PIGN: variants seen among roughly 807,000 people sequenced by gnomAD.
The protein encoded by PIGN is GPI ethanolamine phosphate transferase 1.
PIGN carries 117 observed loss-of-function variants against 125.4 expected under a neutral mutation model. The observed-to-expected ratio is 0.93, with a 90% CI of 0.80 to 1.09. The LOEUF (loss-of-function observed/expected upper bound fraction) is 1.09, where lower values mean the gene tolerates loss of function less well. PIGN is among the 50% of genes least tolerant of loss of function. The pLI is 0.00. For synonymous variants in PIGN, 392 were observed against 377.8 expected (o/e 1.04, Z -0.44); for missense variants, 1,075 against 1,094.9 (o/e 0.98, Z 0.26).
At chr18:62,157,576 G>T in intron 5 of PIGN, 111 bp downstream of exon 5, 1 of 1,060,262 alleles carries the variant, frequency 9.4e-7, no homozygotes, top group Non-Finnish European at 1.4e-6. Flanking sequence ...TAAAACATTT[G>T]TCCAAAATAT....
chr18:62,168,110 G>A (rs1273457531), intron 1 of PIGN, among the ~76,000 whole-genome samples: 2 of 151,872 alleles, frequency 1.3e-5, no homozygotes, highest in Admixed American at 6.6e-5. Context: ...CTTGAACCCC[G>A]GAGGCAGAGG....
chr18:62,028,004 A>C (rs2030146868), intron 23 of PIGN, among the ~76,000 whole-genome samples: 1 of 152,250 alleles, frequency 6.6e-6, no homozygotes, highest in Non-Finnish European at 1.5e-5. Context: ...CCTTTTCCCT[A>C]TCAGCATACA....
chr18:62,108,910 A>C (rs1364518024), intron 17 of PIGN, among the ~76,000 whole-genome samples: 9 of 152,206 alleles, frequency 5.9e-5, no homozygotes, highest in Non-Finnish European at 8.8e-5. Flanking sequence ...TTTTTAATAC[A>C]TCATGTTTTA....
At chr18:62,116,826 T>C (rs2035103860) in intron 14 of PIGN, among the ~76,000 whole-genome samples, 1 of 152,104 alleles carries the variant, frequency 6.6e-6, no homozygotes, top group African/African-American at 2.4e-5. Flanking sequence ...TACGTTGCCA[T>C]TTGTAATGTA....
chr18:62,088,707 A>G lies in PIGN; in HGVS notation c.2370+49T>C, dbSNP rs754468509. ...AACACCTTCCATGTCTTCTTACTCC[A>G]TTAAGTGGGAGTTGCAGCTCTTTAA... On this transcript the variant is annotated intron_variant, in intron 25 of 30. Transcript: ENST00000640252. 5.1e-6 allele frequency: 5 copies of G among 974,924 alleles called. No homozygotes were observed. The South Asian group carries it at 7.0e-5, about 14-fold the overall frequency. 60.4% of individuals were successfully genotyped at this position (974,924 alleles called of 1,614,324 possible).
At chr18:62,137,401 T>C in intron 14 of PIGN, 1 of 311,538 alleles carries the variant, frequency 3.2e-6, no homozygotes, top group Non-Finnish European at 5.8e-6. Flanking sequence ...CTTGTGATTA[T>C]GTGAGTCAAT....
At chr18:62,122,835 C>T (rs1407496544) in intron 14 of PIGN, among the ~76,000 whole-genome samples, 1 of 151,964 alleles carries the variant, frequency 6.6e-6, no homozygotes, top group Non-Finnish European at 1.5e-5. Context: ...CCTCTTTTTC[C>T]AAAATAATAC....
At chr18:62,078,670 T>G (rs2033297162) in intron 28 of PIGN, among the ~76,000 whole-genome samples, 1 of 152,246 alleles carries the variant, frequency 6.6e-6, no homozygotes, top group Non-Finnish European at 1.5e-5. Flanking sequence ...CTAAATACAA[T>G]AATTTTATTG....
intron 1 of PIGN, among the ~76,000 whole-genome samples, chr18:62,182,217 T>C (rs2037743172): frequency 6.6e-6 from 1 of 152,240 alleles, no homozygotes; most frequent in Non-Finnish European, 1.5e-5. Flanking sequence ...TTTCATCATA[T>C]CTGTGGCTTC....
At chr18:62,032,791 T>A (rs2030209172) in intron 23 of PIGN, among the ~76,000 whole-genome samples, 1 of 152,200 alleles carries the variant, frequency 6.6e-6, no homozygotes, top group African/African-American at 2.4e-5. Flanking sequence ...TTATAAGAAT[T>A]AAAGAGGTTA....
chr18:62,095,752 AT>A (rs756040653), intron 23 of PIGN, 95 bp downstream of exon 23: 16 of 706,082 alleles, frequency 2.3e-5, no homozygotes, highest in Non-Finnish European at 3.9e-5. Flanking sequence ...TTTAGAAAAC[AT>A]TTTTTATTTC....
rs1248437352 is a variant in PIGN at position 62,044,758 on chromosome 18, A to G, written c.*1098T>C. 1 of 152,218 alleles carries G rather than the reference A, an allele frequency of 6.6e-6. No individual in the cohort carries two copies. Among genetic ancestry groups the G allele is most frequent in the African/African-American group, 2.4e-5 (1 of 41,466 alleles). 9.4% of individuals were successfully genotyped at this position (152,218 alleles called of 1,614,324 possible). ...CAATTACTTCTTAAAAATAGGGCGC[A>G]TACCAGGAAAGCTTAGCATCAGCCA... On this transcript the variant is annotated 3_prime_UTR_variant, in exon 31 of 31. Coordinates refer to ENST00000640252, the MANE Select transcript of PIGN (RefSeq NM_176787.5).
intron 23 of PIGN, among the ~76,000 whole-genome samples, chr18:62,092,014 CA>C (rs552983361): frequency 6.6e-6 from 1 of 151,024 alleles, no homozygotes; most frequent in East Asian, 1.9e-4. Context: ...GATAAGAAAG[CA>C]AAAAAAACCA....
Position 62,072,070 on chromosome 18 carries a change from A to ATG in PIGN, c.2672+601_2672+602dup, listed in dbSNP as rs1190331559. Among the ~76,000 whole-genome samples, 6 of 148,202 alleles carry ATG rather than the reference A, an allele frequency of 4.0e-5. No individual in the cohort carries two copies. The East Asian group carries it at 7.8e-4, about 19-fold the overall frequency. The stretch of plus-strand genomic sequence containing the variant: ...CCTGACCCTCTGTAGGCCTAGGTGA[A>ATG]TGTGTGTGTGTGTGTATCTTAGTTT... On this transcript the variant is annotated intron_variant, in intron 30 of 30. Transcript: ENST00000640252.
chr18:62,146,970 C>A lies in PIGN; in HGVS notation c.805+1G>T, dbSNP rs1234631650. 1.9e-6 allele frequency: 3 copies of A among 1,611,050 alleles called. No individual in the cohort carries two copies. Among genetic ancestry groups the A allele is most frequent in the Admixed American group, 1.7e-5 (1 of 59,930 alleles). ...TACATATCAATTAAAGACACACTAACCCCAGTCTGTCATTCCATGGTCAGA... is the reference window on the plus strand; with the variant it reads ...TACATATCAATTAAAGACACACTAAACCCAGTCTGTCATTCCATGGTCAGA... On this transcript the variant is annotated splice_donor_variant, in intron 9 of 30. Coordinates refer to ENST00000640252, the MANE Select transcript of PIGN (RefSeq NM_176787.5). LOFTEE classifies it high-confidence loss of function.
intron 12 of PIGN, among the ~76,000 whole-genome samples, chr18:62,139,329 C>G (rs983047088): frequency 1.2e-4 from 19 of 152,190 alleles, no homozygotes; most frequent in Admixed American, 5.2e-4. Flanking sequence ...TGAGAGATAA[C>G]TACGTGCTAG....
intron 6 of PIGN, among the ~76,000 whole-genome samples, chr18:62,156,646 A>T (rs1484758775): frequency 6.6e-6 from 1 of 152,204 alleles, no homozygotes; most frequent in East Asian, 1.9e-4. Flanking sequence ...TTAAATCTTT[A>T]TATGAGTAGC....
intron 22 of PIGN, 122 bp downstream of exon 22, chr18:62,100,950 AGTT>A: frequency 3.0e-6 from 2 of 669,698 alleles, no homozygotes; most frequent in Non-Finnish European, 2.7e-6. Context: ...AATAATAGCC[AGTT>A]ATTATTATTT....
chr18:62,091,622 G>A (rs1299843877), intron 23 of PIGN, among the ~76,000 whole-genome samples: 1 of 152,164 alleles, frequency 6.6e-6, no homozygotes, highest in African/African-American at 2.4e-5. Context: ...ATGATTAAAT[G>A]TGTGGTACAC....
Sources: allele counts gnomAD v4.1 joint callset (sites outside exome capture counted in the v4.1 genomes callset), GRCh38; gene constraint gnomAD v4.1.1; transcripts MANE v1.5; gene names NCBI Gene and HGNC (gene_info 2026-07-23, HGNC 2026-07-21).